Variants in PSMB7 observed in about 807,000 individuals in gnomAD.
The protein encoded by PSMB7 is proteasome 20S subunit beta 7.
Under a neutral mutation model 28.1 loss-of-function variants are expected in PSMB7, and 5 were observed. The ratio of observed to expected loss-of-function variants is 0.18; its 90% confidence interval spans 0.09 to 0.37. PSMB7 has a LOEUF of 0.37. Ranked by LOEUF, PSMB7 falls within the 10% of genes least tolerant of loss-of-function variation. The pLI is 1.00. For synonymous variants in PSMB7, 122 were observed against 123.7 expected, an observed-to-expected ratio of 0.99 and a Z score of 0.09; for missense variants, 275 against 346.2, an observed-to-expected ratio of 0.79 and a Z score of 1.63.
chr9:124,393,186 C>T (rs1830807860), intron 5 of PSMB7, among the ~76,000 whole-genome samples: 1 of 152,172 alleles, frequency 6.6e-6, no homozygotes, highest in African/African-American at 2.4e-5. Context: ...GGGACCATAT[C>T]CAGCCACTAG....
At chr9:124,411,110 G>A (rs747566677) in intron 4 of PSMB7, among the ~76,000 whole-genome samples, 15 of 152,044 alleles carry the variant, frequency 9.9e-5, no homozygotes, top group Non-Finnish European at 2.1e-4. Flanking sequence ...CAAGTAGCTG[G>A]GATTACAGGC....
chr9:124,363,605 C>T (rs541144060), intron 6 of PSMB7, among the ~76,000 whole-genome samples: 2 of 152,248 alleles, frequency 1.3e-5, no homozygotes, highest in African/African-American at 4.8e-5. Flanking sequence ...TCAGCAGAGC[C>T]GAGCTGCAGC....
intron 4 of PSMB7, among the ~76,000 whole-genome samples, chr9:124,408,508 A>C (rs1413124335): frequency 2.0e-5 from 3 of 152,218 alleles, no homozygotes. Context: ...AATTATGATA[A>C]TGATTAATGG....
intron 4 of PSMB7, among the ~76,000 whole-genome samples, chr9:124,410,822 G>C (rs1433509986): frequency 6.6e-6 from 1 of 152,180 alleles, no homozygotes; most frequent in Admixed American, 6.5e-5. Context: ...AAATTATCAG[G>C]AAGGCCAGGG....
At position 124,356,945 on chromosome 9, in the gene PSMB7, C is replaced by A. The variant is rs769144494; in HGVS notation, c.571-30G>T. 6.2e-7 allele frequency: 1 copy of A among 1,613,036 alleles called. No homozygotes were observed. The highest frequency in any genetic ancestry group is 1.1e-5 in the South Asian group (1 of 90,950). ...GAAACAGAACGGCGGCAATAATGTCCCCGGCCAAACTAGGGCCTGCTCTGA... is the reference window on the plus strand; with the variant it reads ...GAAACAGAACGGCGGCAATAATGTCACCGGCCAAACTAGGGCCTGCTCTGA... On this transcript the variant is annotated intron_variant, in intron 6 of 7. Coordinates refer to ENST00000259457, the MANE Select transcript of PSMB7 (RefSeq NM_002799.4). This position sits in a 1 kb window ranked among gnomAD's most constrained non-coding sequence, Gnocchi z 4.4.
chr9:124,354,550 C>T (rs1236003143), intron 7 of PSMB7, among the ~76,000 whole-genome samples: 3 of 152,300 alleles, frequency 2.0e-5, no homozygotes, highest in Admixed American at 1.3e-4. Flanking sequence ...CCTGGACACA[C>T]GGGCTAAAAG....
chr9:124,359,536 C>CA (rs1403793124), intron 6 of PSMB7, among the ~76,000 whole-genome samples: 2 of 152,276 alleles, frequency 1.3e-5, no homozygotes, highest in South Asian at 2.1e-4. Flanking sequence ...AGCAGGTAAA[C>CA]AAAAAATAGT....
At chr9:124,371,934 A>G (rs1199194543) in intron 6 of PSMB7, among the ~76,000 whole-genome samples, 1 of 152,212 alleles carries the variant, frequency 6.6e-6, no homozygotes, top group Non-Finnish European at 1.5e-5. Flanking sequence ...ACTTCGTGAA[A>G]TATTTCTCCT....
At chr9:124,414,074 AG>A in intron 2 of PSMB7, 69 bp from the exon 3 acceptor site, 1 of 1,013,360 alleles carries the variant, frequency 9.9e-7, no homozygotes, top group Non-Finnish European at 1.5e-6. Context: ...ATTCTACTTT[AG>A]GGAATACTAT....
At chr9:124,387,904 A>G (rs981658407) in intron 5 of PSMB7, among the ~76,000 whole-genome samples, 70 of 152,138 alleles carry the variant, frequency 4.6e-4, no homozygotes, top group African/African-American at 1.6e-3. Flanking sequence ...AAAAAAAAAA[A>G]GATGGTAAAC....
chr9:124,410,580 A>T (rs1310613245), intron 4 of PSMB7, among the ~76,000 whole-genome samples: 1 of 152,218 alleles, frequency 6.6e-6, no homozygotes. Flanking sequence ...GTGCTTTAAC[A>T]AGTTCTACTC....
intron 5 of PSMB7, among the ~76,000 whole-genome samples, chr9:124,387,692 C>T (rs898687985): frequency 6.6e-6 from 1 of 152,064 alleles, no homozygotes; most frequent in African/African-American, 2.4e-5. Context: ...ACTTTGGCGC[C>T]CCCTTTTCAG....
intron 5 of PSMB7, among the ~76,000 whole-genome samples, chr9:124,386,566 C>T (rs1473276699): frequency 6.6e-6 from 1 of 152,206 alleles, no homozygotes; most frequent in East Asian, 1.9e-4. Flanking sequence ...ACCAATCCTG[C>T]ACAGCACTGA....
At chr9:124,388,588 T>A (rs954170044) in intron 5 of PSMB7, among the ~76,000 whole-genome samples, 2 of 152,210 alleles carry the variant, frequency 1.3e-5, no homozygotes, top group African/African-American at 4.8e-5. Context: ...TCTCAGCTGT[T>A]GACCCTATGT....
chr9:124,360,509 C>G (rs1166820070), intron 6 of PSMB7, among the ~76,000 whole-genome samples: 5 of 152,262 alleles, frequency 3.3e-5, no homozygotes, highest in Non-Finnish European at 1.5e-5. Flanking sequence ...CATCTGCCCC[C>G]AGCCAGCTGC....
chr9:124,384,668 A>T lies in PSMB7; in HGVS notation c.512-12T>A. On this transcript the variant is annotated splice_polypyrimidine_tract_variant and intron_variant, in intron 5 of 7. Coordinates refer to ENST00000259457, the MANE Select transcript of PSMB7 (RefSeq NM_002799.4). ...CAAGGAGCCAGAACCTGCAAGAAAA[A>T]GGTGCACTTTTAGTGTATTTTATGA... 2 of 1,613,064 alleles carry T rather than the reference A, an allele frequency of 1.2e-6. No individual in the cohort carries two copies. The highest frequency in any genetic ancestry group is 1.7e-6 in the Non-Finnish European group (2 of 1,179,518).
intron 6 of PSMB7, among the ~76,000 whole-genome samples, chr9:124,378,485 A>G (rs1044850524): frequency 2.0e-5 from 3 of 152,212 alleles, no homozygotes; most frequent in Non-Finnish European, 2.9e-5. Flanking sequence ...CAGAGGGTGC[A>G]GGACAGTTTG....
At chr9:124,361,646 T>A (rs1179720080) in intron 6 of PSMB7, among the ~76,000 whole-genome samples, 1 of 152,254 alleles carries the variant, frequency 6.6e-6, no homozygotes, top group Non-Finnish European at 1.5e-5. Context: ...TGTAATGCTA[T>A]TAAACTTTAT....
chr9:124,396,607 T>G (rs1830845840), intron 5 of PSMB7, among the ~76,000 whole-genome samples: 1 of 152,220 alleles, frequency 6.6e-6, no homozygotes, highest in Admixed American at 6.5e-5. Flanking sequence ...AAGTCTTTCC[T>G]AATGGTGCAT....
Sources: allele counts gnomAD v4.1 joint callset (sites outside exome capture counted in the v4.1 genomes callset), GRCh38; gene constraint gnomAD v4.1.1; non-coding constraint Gnocchi (gnomAD v3.1); transcripts MANE v1.5; gene names NCBI Gene and HGNC (gene_info 2026-07-23, HGNC 2026-07-21).